The following C5orf15 variants were observed in gnomAD, a reference collection of about 807,000 sequenced individuals.
The protein encoded by C5orf15 is chromosome 5 open reading frame 15.
Under a neutral mutation model 17.8 loss-of-function variants are expected in C5orf15, and 10 were observed. The observed-to-expected ratio is 0.56, with a 90% confidence interval of 0.35 to 0.95. C5orf15 has a LOEUF of 0.95. Among genes scored for constraint, C5orf15 ranks in the 40% least tolerant of loss-of-function variants. C5orf15 has a pLI of 0.02. For missense variants in C5orf15, 319 were observed against 331.7 expected (o/e 0.96, Z 0.30); for synonymous variants, 124 against 131.0 (o/e 0.95, Z 0.36).
chr5:133,968,473 G>GGA lies in C5orf15; in HGVS notation c.110_111dup (p.Leu38SerfsTer32). The GGA allele has an allele frequency of 6.2e-7, 1 of 1,604,814 alleles. No individual in the cohort carries two copies. The highest frequency in any genetic ancestry group is 8.5e-7 in the Non-Finnish European group (1 of 1,176,144). On this transcript the variant is annotated frameshift_variant, in exon 1 of 3. Transcript: ENST00000231512. LOFTEE classifies it high-confidence loss of function. ...CTGGATAGAGCGGCGGACACAAGCAGGAGCGCCAAGACCAGCGGCCGCGCC... is the reference window on the plus strand; with the variant it reads ...CTGGATAGAGCGGCGGACACAAGCAGGAGAGCGCCAAGACCAGCGGCCGCGCC...
intron 1 of C5orf15, among the ~76,000 whole-genome samples, chr5:133,964,531 T>C (rs891778421): frequency 1.3e-5 from 2 of 152,210 alleles, no homozygotes; most frequent in African/African-American, 2.4e-5. Context: ...TATTGCACTA[T>C]TGTTTTGAAA....
chr5:133,963,423 G>A (rs950074248), intron 1 of C5orf15, among the ~76,000 whole-genome samples: 1 of 152,058 alleles, frequency 6.6e-6, no homozygotes, highest in African/African-American at 2.4e-5. Context: ...CTGGCTTTCA[G>A]GAAGACAAAC....
At chr5:133,965,533 G>A (rs749766713) in intron 1 of C5orf15, among the ~76,000 whole-genome samples, 2 of 152,146 alleles carry the variant, frequency 1.3e-5, no homozygotes, top group Admixed American at 6.5e-5. Context: ...CTGACTTTAC[G>A]GATTTAACTG....
chr5:133,963,037 C>A (rs1752145111), intron 1 of C5orf15, among the ~76,000 whole-genome samples: 1 of 152,208 alleles, frequency 6.6e-6, no homozygotes. Context: ...CACATCTGCA[C>A]CCAGCAGCTG....
chr5:133,959,560 A>G lies in C5orf15; in HGVS notation c.600T>C (p.Phe200=), dbSNP rs1393298787. 8.1e-6 allele frequency: 13 copies of G among 1,603,820 alleles called. No individual in the cohort carries two copies. Among genetic ancestry groups the G allele is most frequent in the Non-Finnish European group, 1.1e-5 (13 of 1,176,834 alleles). ...SNIEEEDSHF[F]FHLIIFAFCI... ...AAAAAGCAAAAATAATAAGATGAAA[A>G]AAGAAATGGCTGTCTTCCTCTTCTA... Residue 200 remains phenylalanine, a synonymous_variant, in exon 2 of 3, where the codon TTT becomes TTC. Transcript: ENST00000231512.
At chr5:133,967,079 T>G (rs1027650468) in intron 1 of C5orf15, among the ~76,000 whole-genome samples, 1 of 152,246 alleles carries the variant, frequency 6.6e-6, no homozygotes, top group African/African-American at 2.4e-5. Flanking sequence ...CCCTTAAGCA[T>G]TCCAGCAGGA....
rs1752088282 is a variant in C5orf15, at chr5:133,959,605, A to C, written c.555T>G (p.Phe185Leu). 6.2e-7 allele frequency: 1 copy of C among 1,612,484 alleles called. No individual in the cohort carries two copies. ...YMEIEQSVKS[F>L]KMPSSNIEEE... ...CTTCTATATTTGAGGATGGCATCTT[A>C]AAAGATTTCACTGACTGTTCAATTT... The change falls in exon 2 of 3, where the codon TTT becomes TTG. Residue 185 changes from phenylalanine to leucine, a missense_variant. Phe to Leu is a conservative substitution (Grantham distance 22). Transcript: ENST00000231512.
At chr5:133,966,054 C>G (rs1178993056) in intron 1 of C5orf15, among the ~76,000 whole-genome samples, 1 of 152,094 alleles carries the variant, frequency 6.6e-6, no homozygotes, top group African/African-American at 2.4e-5. Flanking sequence ...GAAACCCCGT[C>G]TCTACTAAAA....
rs923398704 is a variant in C5orf15 at position 133,956,533 on chromosome 5, A to G, written c.*326T>C. The G allele has an allele frequency of 2.3e-5, 4 of 172,676 alleles. No homozygotes were observed. The highest frequency in any genetic ancestry group is 9.6e-5 in the African/African-American group (4 of 41,632). 10.7% of individuals were successfully genotyped at this position (172,676 alleles called of 1,614,324 possible). A position where few individuals can be genotyped will look rare whatever the true frequency, so the allele number is the denominator to read the frequency against. ...GTGAGTCAGCAGTAACAGATATGTCAGAATTTAGTTACAAGTTTGGGATCT... is the reference window on the plus strand; with the variant it reads ...GTGAGTCAGCAGTAACAGATATGTCGGAATTTAGTTACAAGTTTGGGATCT... On this transcript the variant is annotated 3_prime_UTR_variant, in exon 3 of 3. Transcript: ENST00000231512.
At chr5:133,966,325 G>C (rs1337959171) in intron 1 of C5orf15, among the ~76,000 whole-genome samples, 2 of 151,840 alleles carry the variant, frequency 1.3e-5, no homozygotes, top group Admixed American at 6.6e-5. Context: ...AGAATGCAGA[G>C]GACCCCGAGA....
At position 133,955,510 on chromosome 5, in the gene C5orf15, T is replaced by C. The variant is rs1033157159; in HGVS notation, c.*1349A>G. 2.6e-5 allele frequency: 4 copies of C among 152,594 alleles called. No individual in the cohort carries two copies. The highest frequency in any genetic ancestry group is 1.3e-4 in the Admixed American group (2 of 15,288). The allele number at this position is 152,594 out of a possible 1,614,324, so 9.5% of individuals were successfully genotyped here. On this transcript the variant is annotated 3_prime_UTR_variant, in exon 3 of 3. Coordinates refer to ENST00000231512, the MANE Select transcript of C5orf15 (RefSeq NM_020199.3). ...ACACAGAAACACACTCGTGAAATCA[T>C]AGATTTATATCTTTGCCATTTATTT...
chr5:133,964,088 G>A (rs914741447), intron 1 of C5orf15, among the ~76,000 whole-genome samples: 2 of 152,084 alleles, frequency 1.3e-5, no homozygotes, highest in African/African-American at 4.8e-5. Context: ...GTGGTGGTGT[G>A]CACCTACAAT....
At position 133,968,589 on chromosome 5, in the gene C5orf15, G is replaced by A. The variant is rs763291815; in HGVS notation, c.-5C>T. ...CTTCGGGACGGCAGCGGCCATAACG[G>A]ACTCGGCTGGGAGCCTGCGCTGTTG... On this transcript the variant is annotated 5_prime_UTR_variant, in exon 1 of 3. Transcript: ENST00000231512. 6 of 1,608,192 alleles carry A rather than the reference G, an allele frequency of 3.7e-6. No homozygotes were observed. The highest frequency in any genetic ancestry group is 1.3e-5 in the African/African-American group (1 of 75,006).
rs148811571 is a variant in C5orf15 at position 133,961,342 on chromosome 5, G to A, written c.140-1322C>T. ...AGGCTGAACATGAGGTCAGGAGCTC[G>A]AGACCATCCTGGCTAACATGATGAA... On this transcript the variant is annotated intron_variant, in intron 1 of 2. Coordinates refer to ENST00000231512, the MANE Select transcript of C5orf15 (RefSeq NM_020199.3). Among the ~76,000 whole-genome samples the A allele has an allele frequency of 4.8e-3, 717 of 149,000 alleles. 9 individuals are homozygous for A. Among genetic ancestry groups the A allele is most frequent in the African/African-American group, 0.016 (650 of 40,478 alleles).
chr5:133,959,801 T>A lies in C5orf15; in HGVS notation c.359A>T (p.Glu120Val). ...PLSQEEADNN[E>V]DPSIEEEDLL... ...ATCCTCCTCCTCTATACTAGGATCT[T>A]CATTGTTATCAGCTTCCTCTTGAGA... Residue 120 changes from glutamate to valine, a missense_variant, in exon 2 of 3, where the codon GAA becomes GTA. By Grantham distance (121) the Glu-to-Val change is moderately radical. This residue lies in a region of C5orf15 where 175 missense variants were observed against 192.4 expected (regional missense o/e 0.91). Transcript: ENST00000231512. The A allele has an allele frequency of 6.2e-7, 1 of 1,614,130 alleles. No homozygotes were observed.
At chr5:133,962,987 C>T (rs1752144717) in intron 1 of C5orf15, among the ~76,000 whole-genome samples, 1 of 152,176 alleles carries the variant, frequency 6.6e-6, no homozygotes, top group Admixed American at 6.5e-5. Flanking sequence ...TGAGACTACA[C>T]TCATCCCTAG....
intron 1 of C5orf15, 95 bp downstream of exon 1, chr5:133,968,351 C>G: frequency 1.3e-6 from 2 of 1,497,538 alleles, no homozygotes; most frequent in Middle Eastern, 2.4e-4. Context: ...CTGCTCCTGA[C>G]ACTTGGAAGC....
At chr5:133,962,250 C>T (rs927528640) in intron 1 of C5orf15, among the ~76,000 whole-genome samples, 2 of 152,284 alleles carry the variant, frequency 1.3e-5, no homozygotes, top group Non-Finnish European at 2.9e-5. Flanking sequence ...ATTTCCACCA[C>T]GCAGTATAGA....
Position 133,968,565 on chromosome 5 carries a change from TTCG to T in C5orf15, c.17_19del (p.Pro6_Lys7delinsGln), listed in dbSNP as rs1326136256. 6.2e-7 allele frequency: 1 copy of T among 1,609,698 alleles called. No individual in the cohort carries two copies. Among genetic ancestry groups the T allele is most frequent in the East Asian group, 2.2e-5 (1 of 44,790 alleles). On this transcript the variant is annotated inframe_deletion, in exon 1 of 3. Transcript: ENST00000231512. ...CGCTTGTGCTGGCCCCCTCATCCTC[TTCG>T]GGACGGCAGCGGCCATAACGGACTC...
Sources: gnomAD v4.1 joint callset for allele counts (sites outside exome capture counted in the v4.1 genomes callset) on GRCh38, gnomAD v4.1.1 for gene constraint, gnomAD v4.1.1 regional missense constraint, MANE v1.5 for transcripts, NCBI Gene and HGNC (gene_info 2026-07-23, HGNC 2026-07-21) for gene names.